The following AMBRA1 variants were observed in gnomAD, a reference collection of about 807,000 sequenced individuals.
AMBRA1 encodes the protein activating molecule in BECN1-regulated autophagy protein 1.
In AMBRA1, 47 loss-of-function variants were observed where a neutral mutation model predicts 125.4. The observed-to-expected ratio is 0.37, with a 90% CI of 0.30 to 0.48. AMBRA1 has a LOEUF of 0.48. Among genes scored for constraint, AMBRA1 ranks in the 20% least tolerant of loss-of-function variants. The pLI is 0.99. For synonymous variants in AMBRA1, 626 were observed against 655.5 expected (o/e 0.95, Z 0.69); for missense variants, 1,331 against 1,693.4 (o/e 0.79, Z 3.76).
intron 1 of AMBRA1, 40 bp from the exon 2 acceptor site, chr11:46,548,540 A>G: frequency 1.2e-6 from 1 of 807,052 alleles, no homozygotes. Context: ...CGACTTCTGC[A>G]ACGAGAAGCT....
At chr11:46,552,364 ATC>A (rs1314703377) in intron 1 of AMBRA1, among the ~76,000 whole-genome samples, 1 of 88,504 alleles carries the variant, frequency 1.1e-5, no homozygotes, top group African/African-American at 4.6e-5. Flanking sequence ...GTGAGACTCC[ATC>A]TCAAAAAAAA....
chr11:46,558,665 G>A (rs1450627721), intron 1 of AMBRA1, among the ~76,000 whole-genome samples: 1 of 147,636 alleles, frequency 6.8e-6, no homozygotes, highest in Non-Finnish European at 1.5e-5. Context: ...ACTCTAACAA[G>A]AAGTTTTTCT....
intron 11 of AMBRA1, among the ~76,000 whole-genome samples, chr11:46,483,730 T>C (rs562436097): frequency 1.3e-5 from 2 of 152,210 alleles, no homozygotes; most frequent in Admixed American, 6.5e-5. Flanking sequence ...TGAAACCCCA[T>C]CTCTACTACA....
At position 46,417,975 on chromosome 11, in the gene AMBRA1, A is replaced by C. The variant is rs1432393404; in HGVS notation, c.3054T>G (p.Pro1018=). 1.9e-6 allele frequency: 3 copies of C among 1,610,918 alleles called. No individual in the cohort carries two copies. The highest frequency in any genetic ancestry group is 2.5e-6 in the Non-Finnish European group (3 of 1,177,796). The change falls in exon 15 of 18, where the codon CCT becomes CCG. Residue 1018 remains proline (P), a synonymous_variant. Transcript: ENST00000683756. ...CATAGGCCAAGCCAAGCCCTGGCTC[A>C]GGCAGCCAACGGGCAGAGTTGATAC... ...HVSINSARWL[P]EPGLGLAYGT... is the part of the protein sequence containing the mutation.
intron 1 of AMBRA1, among the ~76,000 whole-genome samples, chr11:46,580,054 C>T (rs79203530): frequency 0.062 from 9,470 of 152,256 alleles, 355 homozygotes; most frequent in Non-Finnish European, 0.08. Context: ...ATCTCCACTT[C>T]GTCCCTTCCC....
chr11:46,430,251 G>C (rs1947386844), intron 14 of AMBRA1, among the ~76,000 whole-genome samples: 1 of 152,150 alleles, frequency 6.6e-6, no homozygotes, highest in Non-Finnish European at 1.5e-5. Flanking sequence ...GAGTTTGGTA[G>C]GAAACAGAAG....
intron 9 of AMBRA1, among the ~76,000 whole-genome samples, chr11:46,504,009 T>C (rs1222502091): frequency 1.3e-5 from 2 of 152,196 alleles, no homozygotes; most frequent in East Asian, 3.9e-4. Context: ...CTAGCAACAG[T>C]TTTCAAGAAG....
At chr11:46,576,702 T>C (rs1229362099) in intron 1 of AMBRA1, among the ~76,000 whole-genome samples, 1 of 152,176 alleles carries the variant, frequency 6.6e-6, no homozygotes, top group Non-Finnish European at 1.5e-5. Context: ...AAAGAGAACA[T>C]CTGCTTAACA....
At chr11:46,487,079 A>C (rs1411572412) in intron 11 of AMBRA1, among the ~76,000 whole-genome samples, 2 of 151,932 alleles carry the variant, frequency 1.3e-5, no homozygotes, top group African/African-American at 4.8e-5. Flanking sequence ...GCAACATGGC[A>C]AAACCCCATC....
chr11:46,460,348 G>C (rs1350280083), intron 11 of AMBRA1, among the ~76,000 whole-genome samples: 1 of 148,042 alleles, frequency 6.8e-6, no homozygotes, highest in Non-Finnish European at 1.5e-5. Context: ...TTGAGACGGA[G>C]TCTCGCTCTG....
chr11:46,462,746 A>G (rs1386354739), intron 11 of AMBRA1, among the ~76,000 whole-genome samples: 3 of 150,900 alleles, frequency 2.0e-5, no homozygotes, highest in Non-Finnish European at 4.4e-5. Flanking sequence ...TTCTCAAATA[A>G]TTCACCCCCC....
intron 15 of AMBRA1, among the ~76,000 whole-genome samples, chr11:46,410,845 G>A (rs1946252121): frequency 6.6e-6 from 1 of 152,220 alleles, no homozygotes; most frequent in Non-Finnish European, 1.5e-5. Context: ...GCTCACGCCT[G>A]TAATCCCAGC....
At chr11:46,408,402 C>T (rs188814882) in intron 17 of AMBRA1, 111 bp downstream of exon 17, 5 of 1,189,260 alleles carry the variant, frequency 4.2e-6, no homozygotes, top group South Asian at 4.8e-5. Flanking sequence ...TTAATGCCAC[C>T]AGGTGGGCAT....
intron 9 of AMBRA1, among the ~76,000 whole-genome samples, chr11:46,500,084 C>T (rs1950777233): frequency 6.6e-6 from 1 of 152,148 alleles, no homozygotes; most frequent in South Asian, 2.1e-4. Flanking sequence ...GGGGCCGGCT[C>T]AAGATCAGAT....
intron 17 of AMBRA1, among the ~76,000 whole-genome samples, chr11:46,401,987 GGC>G (rs1400236192): frequency 4.6e-5 from 7 of 152,098 alleles, no homozygotes; most frequent in African/African-American, 1.7e-4. Flanking sequence ...GCAGGTACCC[GGC>G]AGCCCTGCTC....
intron 1 of AMBRA1, among the ~76,000 whole-genome samples, chr11:46,583,824 TACC>T (rs1339803265): frequency 6.7e-6 from 1 of 150,314 alleles, no homozygotes; most frequent in Non-Finnish European, 1.5e-5. Flanking sequence ...CATAATGAGA[TACC>T]ATCTCACACC....
rs150279592 is a variant in AMBRA1 at position 46,582,725 on chromosome 11, G to A, written c.-121+11103C>T. Among the ~76,000 whole-genome samples the A allele has an allele frequency of 3.9e-3, 594 of 152,214 alleles. 3 individuals are homozygous for A. The highest frequency in any genetic ancestry group is 0.014 in the African/African-American group (580 of 41,538). Reference sequence around the variant, plus strand: ...CATCAATAAAATGAGAAGAATAAGAGTACTTACGTCATAAGGTTGTTAGTT... The same window carrying A: ...CATCAATAAAATGAGAAGAATAAGAATACTTACGTCATAAGGTTGTTAGTT... On this transcript the variant is annotated intron_variant, in intron 1 of 17. Coordinates refer to ENST00000683756, the MANE Select transcript of AMBRA1 (RefSeq NM_001387011.1).
Position 46,569,443 on chromosome 11 carries a change from AT to A in AMBRA1, c.-120-20944del, listed in dbSNP as rs1565308290. Among the ~76,000 whole-genome samples the A allele has an allele frequency of 5.6e-3, 676 of 120,060 alleles. 3 individuals carry two copies. The highest frequency in any genetic ancestry group is 0.014 in the African/African-American group (409 of 30,194). The allele number at this position is 120,060 out of a possible 152,430, so 78.8% of individuals were successfully genotyped here. ...ACTGAGAGATTAAAAAAAAAAAAAT[AT>A]ATATATATATATATATATATAAAGT... On this transcript the variant is annotated intron_variant, in intron 1 of 17. Transcript: ENST00000683756.
chr11:46,555,538 T>C (rs796613051), intron 1 of AMBRA1, among the ~76,000 whole-genome samples: 88 of 152,324 alleles, frequency 5.8e-4, no homozygotes, highest in African/African-American at 2.1e-3. Context: ...AGGTTCACTA[T>C]GGTTTCCCTC....
Sources: gnomAD v4.1 joint callset for allele counts (sites outside exome capture counted in the v4.1 genomes callset) on GRCh38, gnomAD v4.1.1 for gene constraint, MANE v1.5 for transcripts, NCBI Gene and HGNC (gene_info 2026-07-23, HGNC 2026-07-21) for gene names.